The following CLVS1 variants were observed in gnomAD, a reference collection of about 807,000 sequenced individuals.
CLVS1 encodes the protein clavesin-1.
A neutral mutation model predicts 33.1 loss-of-function variants in CLVS1; 10 were observed. The ratio of observed to expected loss-of-function variants is 0.30; its 90% CI spans 0.19 to 0.51. CLVS1 has a LOEUF of 0.51. Ranked by LOEUF, CLVS1 falls within the 20% of genes least tolerant of loss-of-function variation. The probability of loss-of-function intolerance (pLI) is 0.97; values close to 1 mark genes in which losing one functional copy is unlikely to be tolerated. For missense variants in CLVS1, 343 were observed against 433.4 expected (o/e 0.79, Z 1.85); for synonymous variants, 163 against 166.1 (o/e 0.98, Z 0.14).
chr8:61,278,268 T>G (rs919659353), intron 2 of CLVS1, among the ~76,000 whole-genome samples: 1 of 152,216 alleles, frequency 6.6e-6, no homozygotes, highest in Non-Finnish European at 1.5e-5. Flanking sequence ...CTCTTGAAAC[T>G]TTTTACATCT....
At chr8:61,412,538 G>A (rs1314031160) in intron 3 of CLVS1, among the ~76,000 whole-genome samples, 1 of 152,186 alleles carries the variant, frequency 6.6e-6, no homozygotes, top group Non-Finnish European at 1.5e-5. Context: ...GGGGCTGGGA[G>A]GCATTCCATG....
intron 1 of CLVS1, among the ~76,000 whole-genome samples, chr8:61,293,745 A>C (rs1810085977): frequency 6.6e-6 from 1 of 152,138 alleles, no homozygotes; most frequent in Admixed American, 6.6e-5. Flanking sequence ...ATATATTAAA[A>C]ATTTGGAAAC....
At chr8:61,490,100 G>A (rs1241018657) in intron 5 of CLVS1, among the ~76,000 whole-genome samples, 1 of 152,152 alleles carries the variant, frequency 6.6e-6, no homozygotes, top group Non-Finnish European at 1.5e-5. Flanking sequence ...TGGATCACTT[G>A]AGATCGGGAG....
At chr8:61,240,454 C>T (rs1242155886) in intron 2 of CLVS1, among the ~76,000 whole-genome samples, 4 of 152,194 alleles carry the variant, frequency 2.6e-5, no homozygotes, top group Non-Finnish European at 5.9e-5. Context: ...ATTGGTCACC[C>T]TCTGTACATC....
chr8:61,091,216 C>T (rs1236312367), intron 1 of CLVS1, among the ~76,000 whole-genome samples: 3 of 152,126 alleles, frequency 2.0e-5, no homozygotes, highest in Non-Finnish European at 2.9e-5. Context: ...AGCGATGTGG[C>T]CAGGAGCCAA....
At chr8:61,395,264 T>G (rs184536857) in intron 3 of CLVS1, among the ~76,000 whole-genome samples, 270 of 151,908 alleles carry the variant, frequency 1.8e-3, no homozygotes, top group Non-Finnish European at 3.4e-3. Flanking sequence ...ATTTCATAGA[T>G]GCAGAAACTA....
intron 3 of CLVS1, among the ~76,000 whole-genome samples, chr8:61,423,242 G>A (rs1815752708): frequency 6.6e-6 from 1 of 152,056 alleles, no homozygotes; most frequent in Non-Finnish European, 1.5e-5. Context: ...TTTCTTTAGT[G>A]CCTCATGTAA....
chr8:61,097,300 AT>A (rs1239374368), intron 1 of CLVS1, among the ~76,000 whole-genome samples: 104 of 152,186 alleles, frequency 6.8e-4, no homozygotes, highest in African/African-American at 2.1e-3. Context: ...TCAAAAAAAA[AT>A]AAAAAAATTA....
chr8:61,150,944 C>T (rs1207607329), intron 2 of CLVS1, among the ~76,000 whole-genome samples: 1 of 152,188 alleles, frequency 6.6e-6, no homozygotes, highest in Non-Finnish European at 1.5e-5. Context: ...CAAACCAAAG[C>T]ACAACCTCAA....
At chr8:61,242,174 C>A (rs1185229227) in intron 2 of CLVS1, among the ~76,000 whole-genome samples, 2 of 152,008 alleles carry the variant, frequency 1.3e-5, no homozygotes, top group African/African-American at 4.8e-5. Flanking sequence ...CTTCTTGAAT[C>A]TGTAAATTTG....
chr8:61,372,696 G>T (rs1048354274), intron 2 of CLVS1, among the ~76,000 whole-genome samples: 12 of 151,782 alleles, frequency 7.9e-5, no homozygotes, highest in Non-Finnish European at 1.2e-4. Context: ...GCTCCTCTTG[G>T]CTGTGACAGT....
At chr8:61,496,687 T>G (rs1465017421) in intron 5 of CLVS1, among the ~76,000 whole-genome samples, 1 of 152,234 alleles carries the variant, frequency 6.6e-6, no homozygotes, top group Non-Finnish European at 1.5e-5. Context: ...TAAATTTTTT[T>G]GAGACACTTG....
At chr8:61,012,556 T>C in the CLVS1 span, among the ~76,000 whole-genome samples, 1 of 152,184 alleles carries the variant, frequency 6.6e-6, no homozygotes, top group Non-Finnish European at 1.5e-5. Context: ...TGTCGTGTTG[T>C]ACTGACATGT....
intron 2 of CLVS1, among the ~76,000 whole-genome samples, chr8:61,237,776 G>A (rs1281389990): frequency 1.3e-5 from 2 of 152,042 alleles, no homozygotes; most frequent in Non-Finnish European, 2.9e-5. Flanking sequence ...GCAACATGTG[G>A]AGATGGTCAG....
intron 2 of CLVS1, among the ~76,000 whole-genome samples, chr8:61,182,513 T>C (rs971227803): frequency 2.0e-5 from 3 of 152,042 alleles, no homozygotes; most frequent in African/African-American, 7.2e-5. Flanking sequence ...CATCCAAAAG[T>C]GGGCAAAGAA....
At chr8:61,247,083 T>G (rs1808828176) in intron 2 of CLVS1, among the ~76,000 whole-genome samples, 1 of 152,206 alleles carries the variant, frequency 6.6e-6, no homozygotes, top group African/African-American at 2.4e-5. Context: ...CCTGCCTTAG[T>G]GTGCTAAGAA....
At chr8:60,987,963 T>C in the CLVS1 span, among the ~76,000 whole-genome samples, 1 of 151,940 alleles carries the variant, frequency 6.6e-6, no homozygotes, top group Non-Finnish European at 1.5e-5. Context: ...TAGTGAGAGA[T>C]GAAGGTAGTC....
chr8:61,019,501 A>C, the CLVS1 span, among the ~76,000 whole-genome samples: 1 of 152,140 alleles, frequency 6.6e-6, no homozygotes, highest in Non-Finnish European at 1.5e-5. Flanking sequence ...CAAACTCAAC[A>C]ATCACTAAGG....
At chr8:61,432,465 A>G (rs1816150220) in intron 3 of CLVS1, among the ~76,000 whole-genome samples, 1 of 151,816 alleles carries the variant, frequency 6.6e-6, no homozygotes, top group Non-Finnish European at 1.5e-5. Context: ...CGTTATAACA[A>G]GAGGAGATTA....
Sources: gnomAD v4.1 joint callset for allele counts (sites outside exome capture counted in the v4.1 genomes callset) on GRCh38, gnomAD v4.1.1 for gene constraint, MANE v1.5 for transcripts, NCBI Gene and HGNC (gene_info 2026-07-23, HGNC 2026-07-21) for gene names.